Variants in ZFYVE26 observed in about 807,000 individuals in gnomAD.
ZFYVE26 encodes the protein zinc finger FYVE-type containing 26.
In ZFYVE26, 181 loss-of-function variants were observed where a neutral mutation model predicts 276.5. The ratio of observed to expected loss-of-function variants is 0.65; its 90% CI spans 0.58 to 0.74. The LOEUF is 0.74. Among genes scored for constraint, ZFYVE26 ranks in the 30% least tolerant of loss-of-function variants. ZFYVE26 has a pLI of 0.00. For synonymous variants in ZFYVE26, 1,129 were observed against 1,203.1 expected (o/e 0.94, Z 1.27); for missense variants, 2,821 against 3,097.9 (o/e 0.91, Z 2.12).
Position 67,807,663 on chromosome 14 carries a change from A to T in ZFYVE26, c.621T>A (p.Pro207=), listed in dbSNP as rs144303642. ...CGACTACCCCAGGGGGCACCGAATC[A>T]GGGCCCTGCAAAGCCCGCAATGCCT... ...IRKALRALQG[P]DSVPPGVVDA... Residue 207 remains proline, a synonymous_variant, in exon 5 of 42, where the codon CCT becomes CCA. Coordinates refer to ENST00000347230, the MANE Select transcript of ZFYVE26 (RefSeq NM_015346.4). 2.4e-5 allele frequency: 38 copies of T among 1,614,190 alleles called. No individual in the cohort carries two copies. The highest frequency in any genetic ancestry group is 3.1e-5 in the Non-Finnish European group (36 of 1,180,038).
Position 67,772,106 on chromosome 14 carries a change from A to T in ZFYVE26, c.5425T>A (p.Trp1809Arg). The change falls in exon 28 of 42, where the codon TGG (tryptophan) becomes AGG (arginine). Residue 1809 changes from tryptophan (W) to arginine (R), a missense_variant. Physicochemically the swap from Trp to Arg is moderately radical, Grantham distance 101. Transcript: ENST00000347230. ...PPATPPARHQ[W>R]VPDETESICM... ...ATACTCTCAGTCTCATCCGGTACCCACTGGTGCCTGGCAGGGGGTGTCGCT... is the reference window on the plus strand; with the variant it reads ...ATACTCTCAGTCTCATCCGGTACCCTCTGGTGCCTGGCAGGGGGTGTCGCT... 6.2e-7 allele frequency: 1 copy of T among 1,612,842 alleles called. No homozygotes were observed. The highest frequency in any genetic ancestry group is 8.5e-7 in the Non-Finnish European group (1 of 1,179,714).
intron 13 of ZFYVE26, among the ~76,000 whole-genome samples, chr14:67,733,382 G>A (rs1435760999): frequency 1.3e-5 from 2 of 152,078 alleles, no homozygotes; most frequent in Non-Finnish European, 2.9e-5. Context: ...GCACTGAACT[G>A]TAGTAGTAGT....
downstream of ZFYVE26, among the ~76,000 whole-genome samples, chr14:67,745,445 T>G (rs908274147): frequency 6.6e-6 from 1 of 152,054 alleles, no homozygotes; most frequent in Non-Finnish European, 1.5e-5. Flanking sequence ...AGTAACGAAC[T>G]ATAGAAATGA....
At chr14:67,761,181 A>C (rs2038917930) in intron 35 of ZFYVE26, 185 bp downstream of exon 35, 1 of 711,656 alleles carries the variant, frequency 1.4e-6, no homozygotes. Context: ...CTAGGCTAAG[A>C]CTTTTCACAC....
At chr14:67,732,955 G>A (rs146852026) in intron 13 of ZFYVE26, among the ~76,000 whole-genome samples, 440 of 152,104 alleles carry the variant, frequency 2.9e-3, no homozygotes, top group South Asian at 0.012. Context: ...TAGAAAAAAG[G>A]AACATTAAAA....
chr14:67,780,345 T>C lies in ZFYVE26; in HGVS notation c.4570A>G (p.Ile1524Val). Residue 1524 changes from isoleucine to valine, a missense_variant and splice_region_variant, in exon 23 of 42, where the codon ATT becomes GTT. Ile to Val is a conservative substitution (Grantham distance 29). Coordinates refer to ENST00000347230, the MANE Select transcript of ZFYVE26 (RefSeq NM_015346.4). Reference sequence around the variant, plus strand: ...ACTGGGGGAGACTGCAAACCCAGAATCTAAGGAAAGACAAGAAAATCCGTC... The same window carrying C: ...ACTGGGGGAGACTGCAAACCCAGAACCTAAGGAAAGACAAGAAAATCCGTC... ...KLAELQVYQK[I>V]LGLQSPPVWC... 1 of 1,612,662 alleles carries C rather than the reference T, an allele frequency of 6.2e-7. No individual in the cohort carries two copies. Among genetic ancestry groups the C allele is most frequent in the Non-Finnish European group, 8.5e-7 (1 of 1,179,486 alleles).
At chr14:67,741,407 C>G (rs1251680322) in intron 13 of ZFYVE26, among the ~76,000 whole-genome samples, 1 of 152,170 alleles carries the variant, frequency 6.6e-6, no homozygotes, top group South Asian at 2.1e-4. Context: ...AAGGGCAATA[C>G]TATTCATGTA....
chr14:67,770,333 G>C (rs1427535472), intron 28 of ZFYVE26: 4 of 164,798 alleles, frequency 2.4e-5, no homozygotes, highest in Non-Finnish European at 4.0e-5. Flanking sequence ...GTGTGGTGGC[G>C]GGAGCCTGTA....
chr14:67,758,423 G>C (rs78204582), intron 35 of ZFYVE26, among the ~76,000 whole-genome samples: 5,507 of 152,120 alleles, frequency 0.036, 283 homozygotes, highest in African/African-American at 0.12. Flanking sequence ...ATTCATAATT[G>C]GTACTAGGTC....
At chr14:67,751,270 G>A (rs1225730996) in intron 40 of ZFYVE26, 174 bp from the exon 41 acceptor site, 2 of 702,520 alleles carry the variant, frequency 2.8e-6, no homozygotes, top group Non-Finnish European at 5.1e-6. Flanking sequence ...GAGTGTAGTG[G>A]CTTTTCACAG....
chr14:67,800,496 T>C (rs1282047344), intron 10 of ZFYVE26, among the ~76,000 whole-genome samples: 1 of 152,090 alleles, frequency 6.6e-6, no homozygotes, highest in African/African-American at 2.4e-5. Context: ...AAAAAAAAAA[T>C]TGCACTGGCT....
At chr14:67,765,785 C>A (rs2039039584) in intron 32 of ZFYVE26, among the ~76,000 whole-genome samples, 1 of 152,152 alleles carries the variant, frequency 6.6e-6, no homozygotes, top group Non-Finnish European at 1.5e-5. Flanking sequence ...AATCTATTAT[C>A]CAGAATTCAC....
intron 12 of ZFYVE26, 28 bp downstream of exon 12, chr14:67,797,644 G>A (rs2039983051): frequency 6.2e-7 from 1 of 1,612,014 alleles, no homozygotes; most frequent in Admixed American, 1.7e-5. Context: ...CACTTGCCTA[G>A]TGCATGGGAA....
In ZFYVE26 at chr14:67,748,215, C is replaced by T. The variant is rs962118704; in HGVS notation, c.*221G>A. ...TGAGGTAGAAAGAACTGGCCATCTC[C>T]AGACAAACACACATAGATTCCACAA... On this transcript the variant is annotated 3_prime_UTR_variant, in exon 42 of 42. Coordinates refer to ENST00000347230, the MANE Select transcript of ZFYVE26 (RefSeq NM_015346.4). The T allele has an allele frequency of 1.5e-5, 9 of 596,072 alleles. No homozygotes were observed. Among genetic ancestry groups the T allele is most frequent in the Non-Finnish European group, 2.7e-5 (9 of 336,426 alleles). The allele number at this position is 596,072 out of a possible 1,614,324, so 36.9% of individuals were successfully genotyped here.
At chr14:67,789,014 C>T (rs1229180720) in intron 16 of ZFYVE26, among the ~76,000 whole-genome samples, 1 of 152,162 alleles carries the variant, frequency 6.6e-6, no homozygotes, top group Non-Finnish European at 1.5e-5. Flanking sequence ...TCAAGATGGT[C>T]TCAGGTTTTA....
chr14:67,766,139 T>G (rs1594895266), intron 32 of ZFYVE26, 88 bp downstream of exon 32: 2 of 1,239,480 alleles, frequency 1.6e-6, no homozygotes, highest in Non-Finnish European at 2.4e-6. Context: ...GAGAGGATGG[T>G]GAGATAAAAA....
chr14:67,784,273 T>C (rs1267422843), intron 20 of ZFYVE26, 61 bp downstream of exon 20: 3 of 1,415,536 alleles, frequency 2.1e-6, no homozygotes, highest in Non-Finnish European at 2.0e-6. Flanking sequence ...ACTGAGCCCT[T>C]GGCTATATTG....
chr14:67,756,974 G>A (rs768709906), intron 35 of ZFYVE26, among the ~76,000 whole-genome samples: 11 of 152,106 alleles, frequency 7.2e-5, no homozygotes, highest in Non-Finnish European at 2.9e-5. Context: ...TTCTCAGTCT[G>A]TGTCTCCATT....
At chr14:67,777,156 G>A (rs1292140821) in intron 25 of ZFYVE26, among the ~76,000 whole-genome samples, 1 of 152,200 alleles carries the variant, frequency 6.6e-6, no homozygotes, top group Non-Finnish European at 1.5e-5. Context: ...CCCAAGACCA[G>A]TTTTACTTGA....
Sources: allele counts gnomAD v4.1 joint callset (sites outside exome capture counted in the v4.1 genomes callset), GRCh38; gene constraint gnomAD v4.1.1; transcripts MANE v1.5; gene names NCBI Gene and HGNC (gene_info 2026-07-23, HGNC 2026-07-21).